The following UNC13B variants were observed in gnomAD, a reference collection of about 807,000 sequenced individuals.
UNC13B encodes unc-13 homolog B.
Under a neutral mutation model 211.0 loss-of-function variants are expected in UNC13B, and 144 were observed. That is an observed-to-expected ratio of 0.68 (90% CI 0.60 to 0.78). The LOEUF (loss-of-function observed/expected upper bound fraction) is 0.78. Among genes scored for constraint, UNC13B ranks in the 30% least tolerant of loss-of-function variants. The probability of loss-of-function intolerance (pLI) is 0.00; values close to 1 mark genes in which losing one functional copy is unlikely to be tolerated. For synonymous variants in UNC13B, 709 were observed against 725.8 expected (o/e 0.98, Z 0.37); for missense variants, 1,777 against 2,002.0 (o/e 0.89, Z 2.14).
chr9:35,390,723 C>G lies in UNC13B; in HGVS notation c.11308+9C>G. ...GAAATATGCATTGGAGGGTAAGGAT[C>G]TGTTCAAATCAGTGGGCTGCCAGGC... On this transcript the variant is annotated intron_variant, in intron 26 of 39. Transcript: ENST00000635942. 2 of 1,610,518 alleles carry G rather than the reference C, an allele frequency of 1.2e-6. No individual in the cohort carries two copies. The highest frequency in any genetic ancestry group is 1.7e-6 in the Non-Finnish European group (2 of 1,178,896).
At chr9:35,219,173 G>A (rs988691979) in intron 1 of UNC13B, among the ~76,000 whole-genome samples, 6 of 152,184 alleles carry the variant, frequency 3.9e-5, no homozygotes, top group Non-Finnish European at 8.8e-5. Flanking sequence ...TTTAGTGTGT[G>A]TAGGCCGATG....
Position 35,305,873 on chromosome 9 carries a change from A to G in UNC13B, c.6469A>G (p.Thr2157Ala). 2.5e-6 allele frequency: 1 copy of G among 399,046 alleles called. No homozygotes were observed. Among genetic ancestry groups the G allele is most frequent in the Admixed American group, 4.4e-5 (1 of 22,732 alleles). The allele number at this position is 399,046 out of a possible 1,614,324, so 24.7% of individuals were successfully genotyped here. ...ATSSSQPELSTKKSIFSFLTG... is the reference protein window; with the variant it reads ...ATSSSQPELSAKKSIFSFLTG... ...ATCTTCATCTCAACCAGAGTTATCA[A>G]CCAAAAAGAGTATATTTTCTTTTCT... The change falls in exon 9 of 40, where the codon ACC becomes GCC. Residue 2157 changes from threonine (T) to alanine (A), a missense_variant. Physicochemically the swap from Thr to Ala is moderately conservative, Grantham distance 58. Coordinates refer to ENST00000635942, the MANE Select transcript of UNC13B (RefSeq NM_001371189.2).
At chr9:35,237,042 C>T (rs1277453974) in intron 4 of UNC13B, among the ~76,000 whole-genome samples, 1 of 152,124 alleles carries the variant, frequency 6.6e-6, no homozygotes. Context: ...GTAAGCCTGA[C>T]AGAGTTTAAG....
At chr9:35,327,293 G>T (rs1831072072) in intron 11 of UNC13B, among the ~76,000 whole-genome samples, 1 of 152,120 alleles carries the variant, frequency 6.6e-6, no homozygotes, top group South Asian at 2.1e-4. Context: ...TGATTACAAG[G>T]TGAAGTCCCA....
At chr9:35,255,812 G>A (rs1327682212) in intron 6 of UNC13B, among the ~76,000 whole-genome samples, 1 of 152,164 alleles carries the variant, frequency 6.6e-6, no homozygotes, top group East Asian at 1.9e-4. Flanking sequence ...GACCCCTAAA[G>A]TGATTTCTAA....
At chr9:35,226,509 A>G (rs1824850031) in intron 1 of UNC13B, among the ~76,000 whole-genome samples, 1 of 152,198 alleles carries the variant, frequency 6.6e-6, no homozygotes, top group Admixed American at 6.5e-5. Context: ...GGAGCTGGGA[A>G]GCCAGTCCGA....
At chr9:35,324,774 C>T (rs932802689) in intron 11 of UNC13B, among the ~76,000 whole-genome samples, 1 of 152,190 alleles carries the variant, frequency 6.6e-6, no homozygotes, top group South Asian at 2.1e-4. Context: ...AGAGTTCTTT[C>T]CTCAATGCTC....
chr9:35,276,265 C>G (rs1828168247), intron 7 of UNC13B, among the ~76,000 whole-genome samples: 1 of 147,088 alleles, frequency 6.8e-6, no homozygotes, highest in African/African-American at 2.5e-5. Flanking sequence ...AAGATTATGC[C>G]ACTGCACTCC....
chr9:35,368,650 G>A (rs904660387), intron 12 of UNC13B, among the ~76,000 whole-genome samples: 7 of 151,468 alleles, frequency 4.6e-5, no homozygotes, highest in South Asian at 2.1e-4. Context: ...TTTCCACAAC[G>A]GTTGAACTAA....
intron 6 of UNC13B, among the ~76,000 whole-genome samples, chr9:35,250,369 C>CA (rs1486655297): frequency 6.6e-6 from 1 of 152,240 alleles, no homozygotes; most frequent in East Asian, 1.9e-4. Context: ...ACTAATCAAC[C>CA]TTCTGTCTCT....
chr9:35,198,296 AT>A (rs1407868871), intron 1 of UNC13B, among the ~76,000 whole-genome samples: 1 of 151,960 alleles, frequency 6.6e-6, no homozygotes, highest in Admixed American at 6.6e-5. Context: ...TTGAGATGTG[AT>A]TTTTTTAAGG....
At chr9:35,275,288 A>G (rs1283700409) in intron 7 of UNC13B, among the ~76,000 whole-genome samples, 1 of 152,190 alleles carries the variant, frequency 6.6e-6, no homozygotes, top group Non-Finnish European at 1.5e-5. Flanking sequence ...CATGGGATAT[A>G]ATTTGCCATT....
chr9:35,178,963 A>C (rs553822863), intron 1 of UNC13B, among the ~76,000 whole-genome samples: 13 of 150,566 alleles, frequency 8.6e-5, no homozygotes, highest in African/African-American at 2.9e-4. Flanking sequence ...ACATTTAATG[A>C]GTCTTTACTC....
intron 39 of UNC13B, 56 bp downstream of exon 39, chr9:35,403,655 G>T (rs561355180): frequency 1.3e-5 from 20 of 1,548,754 alleles, no homozygotes; most frequent in African/African-American, 4.1e-5. Flanking sequence ...CTTGAGGGGT[G>T]GGGGGAGAGG....
At chr9:35,382,239 A>G in intron 20 of UNC13B, 118 bp from the exon 21 acceptor site, 1 of 1,357,888 alleles carries the variant, frequency 7.4e-7, no homozygotes, top group Non-Finnish European at 1.0e-6. Flanking sequence ...CCTAGGCAAG[A>G]GAGGGCAGCA....
chr9:35,201,230 C>T lies in UNC13B; in HGVS notation c.23-26785C>T, dbSNP rs554878727. Among the ~76,000 whole-genome samples, 188 of 152,200 alleles carry T rather than the reference C, an allele frequency of 1.2e-3. 1 individual carries two copies. The Middle Eastern group carries it at 0.014, about 11-fold the overall frequency. On this transcript the variant is annotated intron_variant, in intron 1 of 39. Transcript: ENST00000635942. Reference sequence around the variant, plus strand: ...AAGCTTTTAGATGTGCTGCTGGATTCGGTTTGCCAGTATTTTATTGAGGAT... The same window carrying T: ...AAGCTTTTAGATGTGCTGCTGGATTTGGTTTGCCAGTATTTTATTGAGGAT...
Position 35,400,404 on chromosome 9 carries a change from ACT to A in UNC13B, c.12449_12450del (p.Leu4150HisfsTer48). ...ALSLYTQTTDTLIKTFVRSQT... is the reference protein window; with the variant it reads ...ALSLYTQTTDXLIKTFVRSQT... ...GTCTCTGTACACACAGACTACTGAC[ACT>A]CTCATCAAGACCTTTGTGCGCTCGC... On this transcript the variant is annotated frameshift_variant, in exon 37 of 40. Transcript: ENST00000635942. LOFTEE classifies it high-confidence loss of function. 6.2e-7 allele frequency: 1 copy of A among 1,613,802 alleles called. No homozygotes were observed. The highest frequency in any genetic ancestry group is 8.5e-7 in the Non-Finnish European group (1 of 1,179,866).
chr9:35,244,622 C>A (rs1825983833), intron 6 of UNC13B, among the ~76,000 whole-genome samples: 1 of 152,124 alleles, frequency 6.6e-6, no homozygotes, highest in African/African-American at 2.4e-5. Context: ...CTAATCTCTG[C>A]CTCTGTTGTA....
chr9:35,390,647 T>C lies in UNC13B; in HGVS notation c.11241T>C (p.Asn3747=). Residue 3747 remains asparagine, a synonymous_variant, in exon 26 of 40, where the codon AAT becomes AAC. Coordinates refer to ENST00000635942, the MANE Select transcript of UNC13B (RefSeq NM_001371189.2). ...CATCCAGGTTTCCTCAGGAGTTGAA[T>C]GTGGGAAAAGTCAGCGCAGAAGTGA... The part of the protein sequence containing the change: ...PVLNQFPQEL[N]VGKVSAEVMW... 8 of 1,614,040 alleles carry C rather than the reference T, an allele frequency of 5.0e-6. No homozygotes were observed. Among genetic ancestry groups the C allele is most frequent in the Non-Finnish European group, 6.8e-6 (8 of 1,179,996 alleles).
Sources: allele counts gnomAD v4.1 joint callset (sites outside exome capture counted in the v4.1 genomes callset), GRCh38; gene constraint gnomAD v4.1.1; transcripts MANE v1.5; gene names NCBI Gene and HGNC (gene_info 2026-07-23, HGNC 2026-07-21).